LRRC7: variants seen among roughly 807,000 people sequenced by gnomAD.
LRRC7 encodes leucine-rich repeat-containing protein 7.
Under a neutral mutation model 175.7 loss-of-function variants are expected in LRRC7, and 23 were observed. The ratio of observed to expected loss-of-function variants is 0.13; its 90% CI spans 0.09 to 0.19. The LOEUF is 0.19. LRRC7 is among the 10% of genes least tolerant of loss of function. The pLI is 1.00. For synonymous variants in LRRC7, 685 were observed against 680.9 expected (o/e 1.01, Z -0.09); for missense variants, 1,354 against 1,904.7 (o/e 0.71, Z 5.38).
intron 11 of LRRC7, among the ~76,000 whole-genome samples, chr1:70,008,092 G>T (rs1656151812): frequency 6.6e-6 from 1 of 152,138 alleles, no homozygotes; most frequent in Non-Finnish European, 1.5e-5. Flanking sequence ...CTGTCAGCAA[G>T]CTGAGGAGCA....
At chr1:70,096,879 G>T (rs1332904173) in intron 25 of LRRC7, among the ~76,000 whole-genome samples, 1 of 152,146 alleles carries the variant, frequency 6.6e-6, no homozygotes, top group Non-Finnish European at 1.5e-5. Context: ...AATCGAGAAT[G>T]ACTTTTACTT....
rs1168884072 is a variant in LRRC7, at chr1:69,804,326, A to G, written c.421+12166A>G. Among the ~76,000 whole-genome samples, 5 of 151,432 alleles carry G rather than the reference A, an allele frequency of 3.3e-5. No homozygotes were observed. The East Asian group carries it at 7.7e-4, about 23-fold the overall frequency. On this transcript the variant is annotated intron_variant, in intron 4 of 26. Transcript: ENST00000651989. ...AATTGTACACTTTATTCTCCATTAC[A>G]TTATAAACTTCTCTAAGACAAATAC...
intron 2 of LRRC7, among the ~76,000 whole-genome samples, chr1:69,752,340 C>G (rs1326924996): frequency 6.6e-6 from 1 of 152,114 alleles, no homozygotes; most frequent in African/African-American, 2.4e-5. Flanking sequence ...CTAATGAGGA[C>G]AGCCAGGATA....
intron 8 of LRRC7, among the ~76,000 whole-genome samples, chr1:69,971,372 C>T (rs1267567602): frequency 6.6e-6 from 1 of 151,952 alleles, no homozygotes; most frequent in African/African-American, 2.4e-5. Context: ...CCTAGAAAAC[C>T]CTAAAGACTA....
chr1:69,694,633 G>A (rs1004284144), intron 2 of LRRC7, among the ~76,000 whole-genome samples: 2 of 152,086 alleles, frequency 1.3e-5, no homozygotes, highest in Non-Finnish European at 2.9e-5. Flanking sequence ...TGATTCATGA[G>A]GGTAGCTCCC....
chr1:69,676,421 T>G (rs1659781946), intron 1 of LRRC7, among the ~76,000 whole-genome samples: 1 of 152,138 alleles, frequency 6.6e-6, no homozygotes, highest in South Asian at 2.1e-4. Flanking sequence ...TGTTTATATT[T>G]TCAAAATGAT....
intron 2 of LRRC7, among the ~76,000 whole-genome samples, chr1:69,718,142 G>GAGAGAA (rs397763816): frequency 6.8e-5 from 5 of 73,756 alleles, no homozygotes; most frequent in Admixed American, 2.9e-4. Context: ...AAGAAAGAGA[G>GAGAGAA]AGAAAGAAAG....
intron 18 of LRRC7, among the ~76,000 whole-genome samples, chr1:70,031,712 C>A (rs181459906): frequency 1.1e-3 from 172 of 152,204 alleles, no homozygotes; most frequent in Non-Finnish European, 2.0e-3. Flanking sequence ...ATTTTAATTT[C>A]TGTTTATCAT....
At chr1:70,033,858 G>C (rs1659031099) in intron 18 of LRRC7, among the ~76,000 whole-genome samples, 2 of 151,954 alleles carry the variant, frequency 1.3e-5, no homozygotes, top group South Asian at 4.2e-4. Flanking sequence ...TTCTATTTTT[G>C]TTTTTCTTTT....
intron 1 of LRRC7, among the ~76,000 whole-genome samples, chr1:69,583,180 G>A (rs987759329): frequency 2.0e-5 from 3 of 151,736 alleles, no homozygotes; most frequent in Admixed American, 6.6e-5. Flanking sequence ...AATTCATAAA[G>A]CCTTAAATTC....
intron 3 of LRRC7, among the ~76,000 whole-genome samples, chr1:69,762,767 G>A (rs1419339418): frequency 6.6e-6 from 1 of 151,984 alleles, no homozygotes; most frequent in African/African-American, 2.4e-5. Context: ...TGTTTGGTTA[G>A]TTAAAATAAT....
intron 1 of LRRC7, among the ~76,000 whole-genome samples, chr1:69,657,329 A>G (rs147904782): frequency 6.5e-4 from 99 of 152,038 alleles, no homozygotes; most frequent in South Asian, 1.7e-3. Flanking sequence ...TGGAGTTTCA[A>G]TAGCACTATC....
chr1:69,993,583 T>C (rs769877630), intron 10 of LRRC7, among the ~76,000 whole-genome samples: 36 of 151,682 alleles, frequency 2.4e-4, no homozygotes, highest in Non-Finnish European at 4.7e-4. Flanking sequence ...ATCTGGAGAG[T>C]CACATTGGTA....
chr1:70,023,483 T>A, intron 17 of LRRC7, 109 bp downstream of exon 17: 1 of 1,160,848 alleles, frequency 8.6e-7, no homozygotes, highest in African/African-American at 1.6e-5. Flanking sequence ...GTTGATCACA[T>A]AGAAACCTTC....
intron 11 of LRRC7, among the ~76,000 whole-genome samples, chr1:70,007,646 C>G (rs1187665438): frequency 2.6e-5 from 4 of 152,146 alleles, no homozygotes. Context: ...CGTTGTTAAA[C>G]AGTGTGAACA....
At chr1:69,736,292 C>A (rs141763512) in intron 2 of LRRC7, among the ~76,000 whole-genome samples, 45 of 152,188 alleles carry the variant, frequency 3.0e-4, no homozygotes, top group African/African-American at 1.0e-3. Flanking sequence ...ATTCAGTAAA[C>A]TAAGTAGGTT....
intron 23 of LRRC7, among the ~76,000 whole-genome samples, chr1:70,056,078 G>A (rs921567298): frequency 1.3e-5 from 2 of 152,166 alleles, no homozygotes; most frequent in African/African-American, 4.8e-5. Flanking sequence ...TTTACATGTT[G>A]ATTTGAGGTA....
chr1:69,777,129 G>A (rs1302640990), intron 3 of LRRC7, among the ~76,000 whole-genome samples: 1 of 152,062 alleles, frequency 6.6e-6, no homozygotes, highest in Non-Finnish European at 1.5e-5. Context: ...ATCACCAATG[G>A]AACACTGCCA....
chr1:69,640,422 T>C (rs1192350153), intron 1 of LRRC7, among the ~76,000 whole-genome samples: 1 of 151,732 alleles, frequency 6.6e-6, no homozygotes, highest in African/African-American at 2.4e-5. Context: ...GTGAGCACTA[T>C]GATTGTTCCT....
Sources: allele counts gnomAD v4.1 joint callset (sites outside exome capture counted in the v4.1 genomes callset), GRCh38; gene constraint gnomAD v4.1.1; transcripts MANE v1.5; gene names NCBI Gene and HGNC (gene_info 2026-07-23, HGNC 2026-07-21).